Variants in CHN2 observed in about 807,000 individuals in gnomAD.
The protein encoded by CHN2 is chimerin 2.
In CHN2, 35 loss-of-function variants were observed where a neutral mutation model predicts 56.3. The ratio of observed to expected loss-of-function variants is 0.62; its 90% CI spans 0.47 to 0.82. The LOEUF is 0.82. Among genes scored for constraint, CHN2 ranks in the 40% least tolerant of loss-of-function variants. The pLI is 0.00. For missense variants in CHN2, 491 were observed against 580.5 expected, an observed-to-expected ratio of 0.85 and a Z score of 1.58; for synonymous variants, 210 against 212.8, an observed-to-expected ratio of 0.99 and a Z score of 0.12.
chr7:29,165,234 A>G (rs60315954), intron 2 of CHN2, among the ~76,000 whole-genome samples: 4,667 of 152,208 alleles, frequency 0.031, 259 homozygotes, highest in African/African-American at 0.1. Flanking sequence ...ATGGTTTTTG[A>G]TATAAAGGTC....
At chr7:29,341,746 C>G (rs1797067268) in intron 1 of CHN2, among the ~76,000 whole-genome samples, 1 of 152,180 alleles carries the variant, frequency 6.6e-6, no homozygotes. Flanking sequence ...AAACCATGTT[C>G]TATCATTGAA....
At chr7:29,494,135 C>T (rs1444061422) in intron 7 of CHN2, among the ~76,000 whole-genome samples, 1 of 152,136 alleles carries the variant, frequency 6.6e-6, no homozygotes, top group African/African-American at 2.4e-5. Flanking sequence ...TTTCTCTTTC[C>T]CTGTGGAAGA....
intron 9 of CHN2, among the ~76,000 whole-genome samples, chr7:29,500,760 A>G (rs1412926797): frequency 1.3e-5 from 2 of 152,236 alleles, no homozygotes; most frequent in Non-Finnish European, 2.9e-5. Context: ...CTCCTACCAC[A>G]TAAAAATGTG....
At chr7:29,148,100 A>G (rs1208599383) in intron 2 of CHN2, among the ~76,000 whole-genome samples, 1 of 152,212 alleles carries the variant, frequency 6.6e-6, no homozygotes, top group Non-Finnish European at 1.5e-5. Flanking sequence ...ATGTTCGCCC[A>G]TGGGAGTACA....
chr7:29,462,704 G>A (rs1272149143), intron 6 of CHN2, among the ~76,000 whole-genome samples: 1 of 152,174 alleles, frequency 6.6e-6, no homozygotes, highest in Non-Finnish European at 1.5e-5. Flanking sequence ...CAAGGAAGAA[G>A]CTTCATTGCC....
At chr7:29,504,277 TGTG>T (rs2128585399) in intron 9 of CHN2, among the ~76,000 whole-genome samples, 1 of 152,310 alleles carries the variant, frequency 6.6e-6, no homozygotes, top group South Asian at 2.1e-4. Context: ...TTTGCGCTGC[TGTG>T]ATTATTACAC....
At chr7:29,374,808 C>G in intron 3 of CHN2, among the ~76,000 whole-genome samples, 1 of 133,466 alleles carries the variant, frequency 7.5e-6, no homozygotes. Flanking sequence ...TTATTTCCTT[C>G]CTTCCTTCCT....
chr7:29,425,965 C>T (rs1211574271), intron 6 of CHN2, among the ~76,000 whole-genome samples: 2 of 151,914 alleles, frequency 1.3e-5, no homozygotes, highest in Non-Finnish European at 2.9e-5. Flanking sequence ...AATCCCAGCA[C>T]TTTGGGAGGC....
chr7:29,513,917 A>T lies in CHN2; in HGVS notation c.*1182A>T, dbSNP rs1257811097. 6.6e-6 allele frequency: 1 copy of T among 152,668 alleles called. No homozygotes were observed. The highest frequency in any genetic ancestry group is 1.5e-5 in the Non-Finnish European group (1 of 68,052). 9.5% of individuals were successfully genotyped at this position (152,668 alleles called of 1,614,324 possible). The stretch of plus-strand genomic sequence containing the variant: ...CACCAAGATTTCTATATTTTGTAAC[A>T]TAGGTGAAATATTTAAAACATCAAA... On this transcript the variant is annotated 3_prime_UTR_variant, in exon 13 of 13. Coordinates refer to ENST00000222792, the MANE Select transcript of CHN2 (RefSeq NM_004067.4).
chr7:29,379,893 CTTTTA>C (rs1800358940), intron 3 of CHN2, among the ~76,000 whole-genome samples: 1 of 152,128 alleles, frequency 6.6e-6, no homozygotes, highest in Admixed American at 6.5e-5. Flanking sequence ...CACTTCTACT[CTTTTA>C]TTTATTACCA....
chr7:29,360,207 G>T (rs1479174415), intron 2 of CHN2, among the ~76,000 whole-genome samples: 5 of 152,172 alleles, frequency 3.3e-5, no homozygotes, highest in African/African-American at 9.7e-5. Flanking sequence ...CATTAGACAA[G>T]ATAATTAAAT....
chr7:29,355,670 G>T (rs1470729416), intron 2 of CHN2, among the ~76,000 whole-genome samples: 1 of 151,282 alleles, frequency 6.6e-6, no homozygotes, highest in Non-Finnish European at 1.5e-5. Context: ...TCCTAACGAA[G>T]CTGCCAGGGT....
intron 1 of CHN2, among the ~76,000 whole-genome samples, chr7:29,274,323 A>G (rs1206081639): frequency 2.0e-5 from 3 of 152,208 alleles, no homozygotes; most frequent in African/African-American, 4.8e-5. Flanking sequence ...TGCACAACAC[A>G]TACGTTTTTC....
intron 12 of CHN2, 177 bp downstream of exon 12, chr7:29,509,583 G>T: frequency 2.0e-6 from 1 of 503,182 alleles, no homozygotes; most frequent in Non-Finnish European, 3.6e-6. Flanking sequence ...GATGGCTCAC[G>T]CCTGTAATCC....
At chr7:29,254,222 A>G (rs1000781553) in intron 1 of CHN2, among the ~76,000 whole-genome samples, 4 of 152,154 alleles carry the variant, frequency 2.6e-5, no homozygotes, top group Admixed American at 2.6e-4. Flanking sequence ...TTTCTACTAG[A>G]TGATAAGCTC....
In CHN2 at chr7:29,339,885, AATAAT is replaced by A. The variant is rs537952917; in HGVS notation, c.50-14731_50-14727del. The stretch of plus-strand genomic sequence containing the variant: ...AAAAAATAATAACAATACTGTATAT[AATAAT>A]ATAATATATATGCCAATATAGCAAT... On this transcript the variant is annotated intron_variant, in intron 1 of 12. Coordinates refer to ENST00000222792, the MANE Select transcript of CHN2 (RefSeq NM_004067.4). Among the ~76,000 whole-genome samples, 325 of 151,922 alleles carry A rather than the reference AATAAT, an allele frequency of 2.1e-3. 2 individuals carry two copies. Among genetic ancestry groups the A allele is most frequent in the African/African-American group, 7.3e-3 (304 of 41,486 alleles).
chr7:29,264,811 C>T (rs1443228531), intron 1 of CHN2, among the ~76,000 whole-genome samples: 2 of 86,682 alleles, frequency 2.3e-5, no homozygotes, highest in Non-Finnish European at 4.3e-5. Context: ...TCAATAAATA[C>T]TAAAAGGGGA....
chr7:29,402,161 G>A (rs558222870), intron 6 of CHN2, among the ~76,000 whole-genome samples: 1 of 152,282 alleles, frequency 6.6e-6, no homozygotes, highest in South Asian at 2.1e-4. Context: ...GGCTTCATCA[G>A]AAAGCCCTGA....
intron 1 of CHN2, among the ~76,000 whole-genome samples, chr7:29,216,190 A>G (rs1267758414): frequency 1.3e-5 from 2 of 152,248 alleles, no homozygotes; most frequent in African/African-American, 4.8e-5. Context: ...GGAAATTCCA[A>G]TTAATCTCTC....
Sources: allele counts gnomAD v4.1 joint callset (sites outside exome capture counted in the v4.1 genomes callset), GRCh38; gene constraint gnomAD v4.1.1; transcripts MANE v1.5; gene names NCBI Gene and HGNC (gene_info 2026-07-23, HGNC 2026-07-21).